The following GLI3 variants were observed in gnomAD, a reference collection of about 807,000 sequenced individuals.
GLI3 encodes GLI family zinc finger 3.
Under a neutral mutation model 100.8 loss-of-function variants are expected in GLI3, and 20 were observed. That is an observed-to-expected ratio of 0.20 (90% CI 0.14 to 0.29). GLI3 has a LOEUF of 0.29. Among genes scored for constraint, GLI3 ranks in the 10% least tolerant of loss-of-function variants. The pLI, the probability that GLI3 is intolerant of heterozygous loss-of-function variation, is 1.00. For missense variants in GLI3, 2,040 were observed against 2,128.5 expected (o/e 0.96, Z 0.82); for synonymous variants, 938 against 860.5 (o/e 1.09, Z -1.58).
intron 3 of GLI3, among the ~76,000 whole-genome samples, chr7:42,140,376 T>C (rs1381803813): frequency 6.6e-6 from 1 of 152,080 alleles, no homozygotes; most frequent in South Asian, 2.1e-4. Flanking sequence ...AACACAAAAA[T>C]AAATAGCTAA....
intron 1 of GLI3, among the ~76,000 whole-genome samples, chr7:42,235,468 C>T (rs1356462771): frequency 6.6e-6 from 1 of 152,148 alleles, no homozygotes; most frequent in Non-Finnish European, 1.5e-5. Flanking sequence ...CAAGCTGAAA[C>T]TCTTTTATTT....
At chr7:42,022,820 A>T (rs1240136082) in intron 10 of GLI3, among the ~76,000 whole-genome samples, 2 of 152,212 alleles carry the variant, frequency 1.3e-5, no homozygotes, top group African/African-American at 4.8e-5. Flanking sequence ...AATGATATGC[A>T]GGAGAGTGTG....
At position 42,023,667 on chromosome 7, in the gene GLI3, G is replaced by T. The variant is rs1789014325; in HGVS notation, c.1357-59C>A. The T allele has an allele frequency of 4.7e-6, 7 of 1,504,126 alleles. No individual in the cohort carries two copies. The South Asian group carries it at 7.9e-5, about 17-fold the overall frequency. 93.2% of individuals were successfully genotyped at this position (1,504,126 alleles called of 1,614,324 possible). On this transcript the variant is annotated intron_variant, in intron 9 of 14. Coordinates refer to ENST00000395925, the MANE Select transcript of GLI3 (RefSeq NM_000168.6). ...AAGGGGGAAGAATCAGACACAACAG[G>T]AGGGAAGACAAGAAGAGAAAGTAAA...
At chr7:42,051,604 T>C (rs941360856) in intron 4 of GLI3, among the ~76,000 whole-genome samples, 2 of 152,194 alleles carry the variant, frequency 1.3e-5, no homozygotes, top group African/African-American at 4.8e-5. Flanking sequence ...CATATATACA[T>C]GCATAGTAGG....
chr7:42,150,685 C>A lies in GLI3; in HGVS notation c.125-2217G>T, dbSNP rs547741391. On this transcript the variant is annotated intron_variant, in intron 2 of 14. Coordinates refer to ENST00000395925, the MANE Select transcript of GLI3 (RefSeq NM_000168.6). ...AATAACCAAACTCGGCTAACCTGTT[C>A]CAGGTTTAAAACAGGATTTCCTTGA... 2.0e-5 allele frequency among the ~76,000 whole-genome samples: 3 copies of A among 152,284 alleles called. No individual in the cohort carries two copies. The East Asian group carries it at 5.8e-4, about 29-fold the overall frequency.
In GLI3 at chr7:41,961,151, C is replaced by G. The variant is rs1383044940; in HGVS notation, c.*3179G>C. On this transcript the variant is annotated 3_prime_UTR_variant, in exon 15 of 15. Coordinates refer to ENST00000395925, the MANE Select transcript of GLI3 (RefSeq NM_000168.6). The stretch of plus-strand genomic sequence containing the variant: ...CAGTCACATCTGAACGCTATGCCTA[C>G]AATACTTAAATGTATTTACATGTGT... The G allele has an allele frequency of 1.3e-5, 2 of 152,236 alleles. No homozygotes were observed. Among genetic ancestry groups the G allele is most frequent in the African/African-American group, 4.8e-5 (2 of 41,262 alleles). The allele number at this position is 152,236 out of a possible 1,614,324, so 9.4% of individuals were successfully genotyped here. A position where few individuals can be genotyped will look rare whatever the true frequency, so the allele number is the denominator to read the frequency against.
At chr7:42,169,811 A>C (rs527906664) in intron 2 of GLI3, among the ~76,000 whole-genome samples, 12 of 152,286 alleles carry the variant, frequency 7.9e-5, no homozygotes, top group African/African-American at 2.9e-4. Context: ...AAATGTTAGC[A>C]GTGATGGTTA....
intron 1 of GLI3, among the ~76,000 whole-genome samples, chr7:42,257,070 A>AT: frequency 6.6e-6 from 1 of 151,748 alleles, no homozygotes; most frequent in Non-Finnish European, 1.5e-5. Context: ...TTATTTTAAG[A>AT]TTTTTCTTTG....
At chr7:42,078,069 A>T (rs762894125) in intron 3 of GLI3, among the ~76,000 whole-genome samples, 1 of 152,270 alleles carries the variant, frequency 6.6e-6, no homozygotes, top group South Asian at 2.1e-4. Flanking sequence ...GGCAATTCCA[A>T]TGGGGCCTTC....
At chr7:42,029,717 C>T (rs1255262819) in intron 7 of GLI3, among the ~76,000 whole-genome samples, 1 of 152,128 alleles carries the variant, frequency 6.6e-6, no homozygotes, top group African/African-American at 2.4e-5. Context: ...TCCTTTTTTA[C>T]ATTCACGTTC....
intron 3 of GLI3, among the ~76,000 whole-genome samples, chr7:42,120,033 G>C (rs1785957823): frequency 6.6e-6 from 1 of 152,226 alleles, no homozygotes; most frequent in South Asian, 2.1e-4. Context: ...TTGACAACCC[G>C]GTGCCATGGG....
chr7:42,170,846 G>A (rs1286371940), intron 2 of GLI3, among the ~76,000 whole-genome samples: 1 of 152,164 alleles, frequency 6.6e-6, no homozygotes, highest in African/African-American at 2.4e-5. Context: ...CCCTGTAGGG[G>A]TGGGAAGGAG....
chr7:42,026,402 T>G lies in GLI3; in HGVS notation c.1039A>C (p.Ser347Arg). 6.2e-7 allele frequency: 1 copy of G among 1,613,896 alleles called. No homozygotes were observed. The highest frequency in any genetic ancestry group is 8.5e-7 in the Non-Finnish European group (1 of 1,179,876). The stretch of plus-strand genomic sequence containing the variant: ...ACGGGCGCGGAAGAGTAGGTGAAGC[T>G]CAAGGCAGGGCTGCACGGGGGAGAT... ...LSASAISPAL[S>R]FTYSSAPVSL... The change falls in exon 8 of 15, where the codon AGC (serine) becomes CGC (arginine). Residue 347 changes from serine to arginine, a missense_variant. This residue lies in a region of GLI3 where 603 missense variants were observed against 690.9 expected (regional missense o/e 0.87). Coordinates refer to ENST00000395925, the MANE Select transcript of GLI3 (RefSeq NM_000168.6).
At chr7:42,069,154 A>C (rs1344296259) in intron 4 of GLI3, among the ~76,000 whole-genome samples, 4 of 152,172 alleles carry the variant, frequency 2.6e-5, no homozygotes, top group Non-Finnish European at 5.9e-5. Context: ...AGCACAAAGA[A>C]CACAGGAATT....
intron 3 of GLI3, chr7:42,118,334 T>G (rs1041413443): frequency 1.3e-5 from 5 of 398,646 alleles, no homozygotes; most frequent in East Asian, 3.6e-5. Context: ...ACAGCAGATC[T>G]GAAAAGACAA....
intron 4 of GLI3, among the ~76,000 whole-genome samples, chr7:42,057,404 C>G (rs1176365813): frequency 6.6e-6 from 1 of 152,206 alleles, no homozygotes; most frequent in Non-Finnish European, 1.5e-5. Flanking sequence ...CTAGAACTAC[C>G]TCTTTGGAAA....
At chr7:42,167,696 A>C (rs1787272847) in intron 2 of GLI3, among the ~76,000 whole-genome samples, 1 of 152,170 alleles carries the variant, frequency 6.6e-6, no homozygotes, top group African/African-American at 2.4e-5. Context: ...TTTTCTCTTA[A>C]CTATCAGCCT....
At chr7:41,968,758 AAGAAGGAAAG>A (rs1562662099) in intron 13 of GLI3, among the ~76,000 whole-genome samples, 1,781 of 100,632 alleles carry the variant, frequency 0.018, 64 homozygotes, top group African/African-American at 0.063. Context: ...GAAAGAAAGA[AAGAAGGAAAG>A]AAAGAAAGAA....
intron 3 of GLI3, among the ~76,000 whole-genome samples, chr7:42,105,136 T>C (rs1343138215): frequency 6.6e-6 from 1 of 152,212 alleles, no homozygotes; most frequent in Non-Finnish European, 1.5e-5. Flanking sequence ...GGGTCCTTCA[T>C]GGCCAGTCCT....
Sources: gnomAD v4.1 joint callset for allele counts (sites outside exome capture counted in the v4.1 genomes callset) on GRCh38, gnomAD v4.1.1 for gene constraint, gnomAD v4.1.1 regional missense constraint, MANE v1.5 for transcripts, NCBI Gene and HGNC (gene_info 2026-07-23, HGNC 2026-07-21) for gene names.